CELF1: variants seen among roughly 807,000 people sequenced by gnomAD.
CELF1 encodes CUGBP Elav-like family member 1.
Under a neutral mutation model 61.8 loss-of-function variants are expected in CELF1, and 10 were observed. The observed-to-expected ratio is 0.16, with a 90% CI of 0.10 to 0.27. CELF1 has a LOEUF of 0.27. Among genes scored for constraint, CELF1 ranks in the 10% least tolerant of loss-of-function variants. The pLI is 1.00. For synonymous variants in CELF1, 236 were observed against 225.1 expected, an observed-to-expected ratio of 1.05 and a Z score of -0.43; for missense variants, 380 against 639.1, an observed-to-expected ratio of 0.59 and a Z score of 4.37.
chr11:47,493,332 C>A (rs1318372493), intron 3 of CELF1, among the ~76,000 whole-genome samples: 1 of 91,254 alleles, frequency 1.1e-5, no homozygotes, highest in Admixed American at 1.5e-4. Context: ...GAAACCCCGT[C>A]CCTACTTAAA....
In CELF1 at chr11:47,553,094, C is replaced by T; in HGVS notation, c.-256G>A. ...AGGCCGAATCCCGGGGGAGCCTCCG[C>T]GTCCCGCCGCCGCTGCCGCTGCCGC... is the stretch of plus-strand genomic sequence containing the variant. On this transcript the variant is annotated 5_prime_UTR_variant, in exon 1 of 15. Transcript: ENST00000687097. The T allele has an allele frequency of 2.5e-6, 1 of 398,958 alleles. No homozygotes were observed. The highest frequency in any genetic ancestry group is 4.4e-6 in the Non-Finnish European group (1 of 226,484). The allele number at this position is 398,958 out of a possible 1,614,324, so 24.7% of individuals were successfully genotyped here.
At position 47,537,245 on chromosome 11, in the gene CELF1, A is replaced by T. The variant is rs962385092; in HGVS notation, c.-154+15747T>A. Among the ~76,000 whole-genome samples the T allele has an allele frequency of 5.2e-5, 7 of 134,104 alleles. No individual in the cohort carries two copies. The East Asian group carries it at 6.5e-4, about 12-fold the overall frequency. 88.0% of individuals were successfully genotyped at this position (134,104 alleles called of 152,430 possible). A position where few individuals can be genotyped will look rare whatever the true frequency, so the allele number is the denominator to read the frequency against. On this transcript the variant is annotated intron_variant, in intron 1 of 14. Transcript: ENST00000687097. ...GCTCCACAAGGTTTTTACCATACAA[A>T]TTTTTTTTTTTTTTTTTTTTGGGAC...
At chr11:47,508,675 A>AAC (rs10690121) in intron 1 of CELF1, among the ~76,000 whole-genome samples, 60,742 of 148,866 alleles carry the variant, frequency 0.41, 13,858 homozygotes, top group South Asian at 0.55. Flanking sequence ...GGAAACCTCA[A>AAC]ACACACACAC....
At chr11:47,479,955 C>CA (rs1315636048) in intron 9 of CELF1, among the ~76,000 whole-genome samples, 5 of 151,986 alleles carry the variant, frequency 3.3e-5, no homozygotes, top group African/African-American at 1.2e-4. Context: ...CCCCGCTTCT[C>CA]AAAGGATAAA....
intron 1 of CELF1, among the ~76,000 whole-genome samples, chr11:47,542,302 A>C (rs1290778224): frequency 1.3e-5 from 2 of 152,150 alleles, no homozygotes; most frequent in Non-Finnish European, 2.9e-5. Context: ...CGGGAGGCGA[A>C]GGCTGCAGTG....
In CELF1 at chr11:47,499,464, A is replaced by G; in HGVS notation, c.60T>C (p.Asn20=). 6.5e-7 allele frequency: 1 copy of G among 1,535,890 alleles called. No individual in the cohort carries two copies. Among genetic ancestry groups the G allele is most frequent in the Non-Finnish European group, 8.7e-7 (1 of 1,146,654 alleles). ...PEMMVDHCSL[N]SSPVSKKMNG... is the part of the protein sequence containing the mutation. ...ACAAAAATACTTACACGGGACTGGA[A>G]TTCAAAGAGCAATGATCCACCATCA... The change falls in exon 3 of 15, where the codon AAT becomes AAC. Residue 20 remains asparagine (N), a synonymous_variant. Transcript: ENST00000687097.
At chr11:47,556,180 A>T (rs1053274240), upstream of CELF1, among the ~76,000 whole-genome samples, 2 of 151,944 alleles carry the variant, frequency 1.3e-5, no homozygotes, top group Admixed American at 6.6e-5. Flanking sequence ...AACATTTTTT[A>T]TTTTTTTAAT....
chr11:47,487,612 C>T (rs1432612778), intron 4 of CELF1, among the ~76,000 whole-genome samples: 2 of 152,186 alleles, frequency 1.3e-5, no homozygotes, highest in Admixed American at 6.5e-5. Context: ...TATACTTTTG[C>T]AGCCTGTAGT....
chr11:47,529,839 T>C (rs2096403831), intron 1 of CELF1, among the ~76,000 whole-genome samples: 1 of 151,512 alleles, frequency 6.6e-6, no homozygotes, highest in African/African-American at 2.4e-5. Context: ...GACAAATACT[T>C]GGGCAGGGGA....
At chr11:47,552,558 G>A (rs1021807102) in intron 1 of CELF1, among the ~76,000 whole-genome samples, 2 of 152,222 alleles carry the variant, frequency 1.3e-5, no homozygotes, top group African/African-American at 4.8e-5. Context: ...GGCACCCACA[G>A]GAGTGGACAC....
intron 1 of CELF1, among the ~76,000 whole-genome samples, chr11:47,511,188 A>T (rs994517398): frequency 2.0e-5 from 3 of 152,120 alleles, no homozygotes; most frequent in Non-Finnish European, 4.4e-5. Context: ...CGTCTCAAAA[A>T]CCAAAACAAA....
chr11:47,482,617 T>C, intron 9 of CELF1, 78 bp downstream of exon 9: 1 of 1,415,936 alleles, frequency 7.1e-7, no homozygotes, highest in African/African-American at 1.4e-5. Context: ...TGCCACTGTG[T>C]TTGTTGGCTA....
At chr11:47,486,853 T>C in intron 5 of CELF1, 55 bp from the exon 6 acceptor site, 1 of 1,310,946 alleles carries the variant, frequency 7.6e-7, no homozygotes, top group Non-Finnish European at 1.1e-6. Flanking sequence ...TATTCAAAAA[T>C]ACATATGGAC....
rs182464286 is a variant in CELF1, at chr11:47,549,787, T to C, written c.-154+3205A>G. ...CTTAATGTCACAGAACACTTAAAAA[T>C]GGCTAAGTTAGTAAATGTTGTGGGT... On this transcript the variant is annotated intron_variant, in intron 1 of 14. Transcript: ENST00000687097. Among the ~76,000 whole-genome samples the C allele has an allele frequency of 3.4e-4, 51 of 151,758 alleles. 1 individual carries two copies. Among genetic ancestry groups the C allele is most frequent in the Admixed American group, 3.3e-3 (50 of 15,166 alleles).
intron 1 of CELF1, among the ~76,000 whole-genome samples, chr11:47,522,880 T>TA (rs896162051): frequency 4.2e-4 from 62 of 149,318 alleles, no homozygotes; most frequent in Admixed American, 8.0e-4. Context: ...TTCATTTATT[T>TA]AAAAAAAAAA....
intron 1 of CELF1, among the ~76,000 whole-genome samples, chr11:47,526,568 A>C (rs1411697798): frequency 6.6e-6 from 1 of 152,254 alleles, no homozygotes; most frequent in Non-Finnish European, 1.5e-5. Context: ...ATCCACTGTA[A>C]CATTTCTCAT....
rs1565789930 is a variant in CELF1, at chr11:47,486,801, G to A, written c.343-3C>T. 1 of 1,603,602 alleles carries A rather than the reference G, an allele frequency of 6.2e-7. No homozygotes were observed. The highest frequency in any genetic ancestry group is 1.1e-5 in the South Asian group (1 of 90,858). Reference sequence around the variant, plus strand: ...TTCATCTGTATAGGGTGATGCATCTGAAAAGGAAAAATATGATTATTATCA... The same window carrying A: ...TTCATCTGTATAGGGTGATGCATCTAAAAAGGAAAAATATGATTATTATCA... On this transcript the variant is annotated splice_region_variant and splice_polypyrimidine_tract_variant and intron_variant, in intron 5 of 14. Transcript: ENST00000687097.
At chr11:47,556,436 C>T (rs1249224419), upstream of CELF1, among the ~76,000 whole-genome samples, 2 of 152,342 alleles carry the variant, frequency 1.3e-5, no homozygotes, top group East Asian at 1.9e-4. Context: ...CCTCCCCACT[C>T]GGCCTTCCGA....
At chr11:47,526,337 A>C (rs1054151378) in intron 1 of CELF1, among the ~76,000 whole-genome samples, 1 of 151,944 alleles carries the variant, frequency 6.6e-6, no homozygotes, top group African/African-American at 2.4e-5. Flanking sequence ...GAAAAAAAGA[A>C]GGCACCTGCG....
Sources: gnomAD v4.1 joint callset for allele counts (sites outside exome capture counted in the v4.1 genomes callset) on GRCh38, gnomAD v4.1.1 for gene constraint, MANE v1.5 for transcripts, NCBI Gene and HGNC (gene_info 2026-07-23, HGNC 2026-07-21) for gene names.